The following MYLK variants were observed in gnomAD, a reference collection of about 807,000 sequenced individuals.
MYLK encodes the protein myosin light chain kinase.
A neutral mutation model predicts 203.4 loss-of-function variants in MYLK; 106 were observed. The observed-to-expected ratio is 0.52, with a 90% CI of 0.45 to 0.61. MYLK has a LOEUF of 0.61. Ranked by LOEUF, MYLK falls within the 20% of genes least tolerant of loss-of-function variation. MYLK has a pLI of 0.00. For missense variants in MYLK, 2,072 were observed against 2,442.3 expected (o/e 0.85, Z 3.20); for synonymous variants, 867 against 959.5 (o/e 0.90, Z 1.78).
At position 123,613,940 on chromosome 3, in the gene MYLK, T is replaced by A; in HGVS notation, c.*165A>T. ...ATAGATTAATGCCCATCAATAACGC[T>A]GCTAGGTATCAACTGCTGTTTCTGA... On this transcript the variant is annotated 3_prime_UTR_variant, in exon 34 of 34. Coordinates refer to ENST00000360304, the MANE Select transcript of MYLK (RefSeq NM_053025.4). The A allele has an allele frequency of 1.3e-6, 1 of 771,608 alleles. No individual in the cohort carries two copies. The highest frequency in any genetic ancestry group is 2.2e-6 in the Non-Finnish European group (1 of 464,840). 47.8% of individuals were successfully genotyped at this position (771,608 alleles called of 1,614,324 possible).
At chr3:123,663,970 G>T in intron 23 of MYLK, 135 bp downstream of exon 23, 3 of 1,303,722 alleles carry the variant, frequency 2.3e-6, no homozygotes, top group South Asian at 1.2e-5. Flanking sequence ...TCTTCTTTCT[G>T]TGGTGCCTTA....
chr3:123,640,304 C>T lies in MYLK; in HGVS notation c.4820G>A (p.Gly1607Asp). ...AGCCTTACCCAGCCTCCTGGCCAGACCAAAGTCGATGAGCTTGATCCTGGT... is the reference window on the plus strand; with the variant it reads ...AGCCTTACCCAGCCTCCTGGCCAGATCAAAGTCGATGAGCTTGATCCTGGT... ...TGTRIKLIDF[G>D]LARRLENAGS... Residue 1607 changes from glycine to aspartate, a missense_variant, in exon 28 of 34, where the codon GGT becomes GAT. Gly to Asp is a moderately conservative substitution (Grantham distance 94). This residue lies in a region of MYLK where 524 missense variants were observed against 782.4 expected (regional missense o/e 0.67). Coordinates refer to ENST00000360304, the MANE Select transcript of MYLK (RefSeq NM_053025.4). This position sits in a 1 kb window ranked among gnomAD's most constrained non-coding sequence, Gnocchi z 4.3. 6.2e-7 allele frequency: 1 copy of T among 1,613,982 alleles called. No homozygotes were observed.
intron 14 of MYLK, chr3:123,709,123 G>T: frequency 5.1e-5 from 17 of 330,456 alleles, no homozygotes; most frequent in Non-Finnish European, 8.3e-5. Flanking sequence ...GATTTGGGAA[G>T]TTCTCACATA....
chr3:123,867,547 G>T (rs934282435), intron 2 of MYLK, among the ~76,000 whole-genome samples: 1 of 151,870 alleles, frequency 6.6e-6, no homozygotes, highest in Admixed American at 6.6e-5. Flanking sequence ...TGGATGCAGA[G>T]ACTGGAGTGA....
At chr3:123,676,896 T>C (rs2108415715) in intron 20 of MYLK, among the ~76,000 whole-genome samples, 1 of 152,354 alleles carries the variant, frequency 6.6e-6, no homozygotes, top group Middle Eastern at 3.4e-3. Flanking sequence ...TTATATAGAC[T>C]GCTAGGAGGA....
chr3:123,803,688 C>G (rs575547935), intron 3 of MYLK, among the ~76,000 whole-genome samples: 2 of 152,218 alleles, frequency 1.3e-5, no homozygotes, highest in Non-Finnish European at 2.9e-5. Context: ...AAGCTTATAT[C>G]CAACCAAAAA....
chr3:123,688,279 G>A (rs188004475), intron 19 of MYLK, among the ~76,000 whole-genome samples: 1 of 152,168 alleles, frequency 6.6e-6, no homozygotes, highest in East Asian at 1.9e-4. Context: ...TGACAGGACC[G>A]CTTGAGAGGT....
At chr3:123,666,633 G>T (rs757116503) in intron 21 of MYLK, among the ~76,000 whole-genome samples, 4 of 152,220 alleles carry the variant, frequency 2.6e-5, no homozygotes, top group African/African-American at 9.6e-5. Flanking sequence ...CTAATTTTTT[G>T]AATTGAGGTC....
chr3:123,617,345 A>G (rs1395540430), intron 33 of MYLK: 1 of 152,234 alleles, frequency 6.6e-6, no homozygotes, highest in African/African-American at 2.4e-5. Context: ...ATGCAATGGT[A>G]ATGGTGAGAA....
At chr3:123,862,319 A>G (rs1269958202) in intron 2 of MYLK, among the ~76,000 whole-genome samples, 1 of 152,230 alleles carries the variant, frequency 6.6e-6, no homozygotes, top group South Asian at 2.1e-4. Context: ...CCTTGACCAC[A>G]TTCTTAAAAT....
At chr3:123,719,746 G>A (rs2062022180) in intron 13 of MYLK, among the ~76,000 whole-genome samples, 1 of 152,204 alleles carries the variant, frequency 6.6e-6, no homozygotes, top group Admixed American at 6.5e-5. Flanking sequence ...CTAAGGGCAA[G>A]AGAGGGCTGG....
chr3:123,699,453 T>G (rs2061084136), intron 18 of MYLK, among the ~76,000 whole-genome samples: 9 of 152,228 alleles, frequency 5.9e-5, no homozygotes, highest in Admixed American at 5.9e-4. Flanking sequence ...TTTGGGATTT[T>G]GGGTTTCCCG....
In MYLK at chr3:123,618,824, G is replaced by A. The variant is rs536266150; in HGVS notation, c.5369-54C>T. On this transcript the variant is annotated intron_variant, in intron 32 of 33. Transcript: ENST00000360304. ...TTTCTTCACTCGTTGTTCTCGCCTCGCCTCTAGCTTAAAGAAACTAACTTT... is the reference window on the plus strand; with the variant it reads ...TTTCTTCACTCGTTGTTCTCGCCTCACCTCTAGCTTAAAGAAACTAACTTT... The A allele has an allele frequency of 1.4e-4, 230 of 1,610,240 alleles. 3 individuals are homozygous for A. In the South Asian group the frequency reaches 2.3e-3, roughly 16 times the overall value.
Position 123,752,520 on chromosome 3 carries a change from G to A in MYLK, c.184C>T (p.Pro62Ser). The change falls in exon 5 of 34, where the codon CCC (proline) becomes TCC (serine). Residue 62 changes from proline to serine, a missense_variant. Pro to Ser is a moderately conservative substitution (Grantham distance 74, BLOSUM62 -1). Around this residue, in one of 3 missense-constraint regions of MYLK, gnomAD observed 683 missense variants for 643.8 expected, o/e 1.06. Coordinates refer to ENST00000360304, the MANE Select transcript of MYLK (RefSeq NM_053025.4). ...FEGRVRGYPEPQVTWHRNGQP... is the reference protein window; with the variant it reads ...FEGRVRGYPESQVTWHRNGQP... ...CCGTTTCTGTGCCATGTCACCTGGG[G>A]CTCTGGGTAACCCCGGACCTTCAAG... The A allele has an allele frequency of 1.2e-6, 2 of 1,613,698 alleles. No homozygotes were observed. The highest frequency in any genetic ancestry group is 1.7e-6 in the Non-Finnish European group (2 of 1,179,986).
chr3:123,863,416 T>C (rs1275308062), intron 2 of MYLK, among the ~76,000 whole-genome samples: 1 of 107,036 alleles, frequency 9.3e-6, no homozygotes, highest in East Asian at 2.6e-4. Flanking sequence ...AGAAAGAAAA[T>C]GAATAGGCAA....
Position 123,620,316 on chromosome 3 carries a change from T to A in MYLK, c.5259A>T (p.Arg1753Ser). ...RKWQKTGNAVRAIGRLSSMAM... is the reference protein window; with the variant it reads ...RKWQKTGNAVSAIGRLSSMAM... ...CCATAGAGGACAGTCTTCCAATGGC[T>A]CTCACAGCATTGCCCGTTTTCTGGA... is the stretch of plus-strand genomic sequence containing the variant. Residue 1753 changes from arginine (R) to serine (S), a missense_variant, in exon 32 of 34, where the codon AGA (arginine) becomes AGT (serine). Around this residue, in one of 3 missense-constraint regions of MYLK, gnomAD observed 524 missense variants for 782.4 expected, o/e 0.67. Coordinates refer to ENST00000360304, the MANE Select transcript of MYLK (RefSeq NM_053025.4). 1 of 1,614,094 alleles carries A rather than the reference T, an allele frequency of 6.2e-7. No homozygotes were observed. Among genetic ancestry groups the A allele is most frequent in the African/African-American group, 1.3e-5 (1 of 75,010 alleles).
intron 4 of MYLK, among the ~76,000 whole-genome samples, chr3:123,756,541 G>C (rs542817898): frequency 6.6e-6 from 1 of 152,256 alleles, no homozygotes; most frequent in East Asian, 1.9e-4. Context: ...GGTATCTAAG[G>C]TTCCTCCCAT....
intron 3 of MYLK, among the ~76,000 whole-genome samples, chr3:123,801,726 G>A (rs545192562): frequency 6.6e-6 from 1 of 152,262 alleles, no homozygotes; most frequent in African/African-American, 2.4e-5. Flanking sequence ...ATGGCCTCCA[G>A]CTATACCCAT....
At chr3:123,883,817 A>C (rs898205284) in intron 1 of MYLK, among the ~76,000 whole-genome samples, 2 of 152,032 alleles carry the variant, frequency 1.3e-5, no homozygotes, top group Non-Finnish European at 2.9e-5. Context: ...TCCCGGAATC[A>C]CATTTGGGCT....
Sources: allele counts gnomAD v4.1 joint callset (sites outside exome capture counted in the v4.1 genomes callset), GRCh38; gene constraint gnomAD v4.1.1; regional missense constraint gnomAD v4.1.1; non-coding constraint Gnocchi (gnomAD v3.1); transcripts MANE v1.5; gene names NCBI Gene and HGNC (gene_info 2026-07-23, HGNC 2026-07-21).